The following DLGAP2 variants were observed in gnomAD, a reference collection of about 807,000 sequenced individuals.
The protein encoded by DLGAP2 is DLG associated protein 2, also known as disks large-associated protein 2.
In DLGAP2, 26 loss-of-function variants were observed where a neutral mutation model predicts 100.3. The observed-to-expected ratio is 0.26, with a 90% CI of 0.19 to 0.36. DLGAP2 has a LOEUF of 0.36. Ranked by LOEUF, DLGAP2 falls within the 10% of genes least tolerant of loss-of-function variation. The pLI is 1.00. For synonymous variants in DLGAP2, 886 were observed against 630.1 expected, an observed-to-expected ratio of 1.41 and a Z score of -6.08; for missense variants, 1,858 against 1,453.2, an observed-to-expected ratio of 1.28 and a Z score of -4.53.
At chr8:809,682 T>G (rs1796334272) in intron 1 of DLGAP2, among the ~76,000 whole-genome samples, 1 of 152,176 alleles carries the variant, frequency 6.6e-6, no homozygotes, top group South Asian at 2.1e-4. Context: ...GATGTGTTGT[T>G]TTCATGTGAG....
intron 3 of DLGAP2, among the ~76,000 whole-genome samples, chr8:1,381,701 A>T (rs1046842893): frequency 8.0e-5 from 12 of 150,186 alleles, no homozygotes; most frequent in Admixed American, 7.3e-4. Flanking sequence ...GGCCTATTTC[A>T]CTCAGCATCA....
intron 2 of DLGAP2, among the ~76,000 whole-genome samples, chr8:1,189,725 G>T (rs1390294113): frequency 8.8e-6 from 1 of 114,008 alleles, no homozygotes; most frequent in African/African-American, 2.6e-5. Context: ...AAGCGAGCTC[G>T]AGTTATCCAA....
intron 10 of DLGAP2, among the ~76,000 whole-genome samples, chr8:1,670,971 G>C (rs980408399): frequency 6.6e-6 from 1 of 152,220 alleles, no homozygotes; most frequent in South Asian, 2.1e-4. Context: ...GACAGGCTGG[G>C]ACAAGAGTGA....
intron 3 of DLGAP2, among the ~76,000 whole-genome samples, chr8:1,460,457 G>A (rs537923962): frequency 5.3e-5 from 8 of 152,246 alleles, no homozygotes; most frequent in African/African-American, 1.7e-4. Context: ...TTAACATGTC[G>A]CTTTACTGAT....
chr8:1,062,573 C>G (rs991691710), intron 2 of DLGAP2, among the ~76,000 whole-genome samples: 1 of 152,180 alleles, frequency 6.6e-6, no homozygotes, highest in African/African-American at 2.4e-5. Context: ...AGACAGTAGC[C>G]AGCTGGTAGC....
At chr8:1,539,635 G>A (rs190447430) in intron 4 of DLGAP2, among the ~76,000 whole-genome samples, 30 of 150,840 alleles carry the variant, frequency 2.0e-4, no homozygotes, top group African/African-American at 5.8e-4. Flanking sequence ...AAGGATGCCC[G>A]CCCTCACCAG....
chr8:919,862 C>G (rs1048810921), intron 2 of DLGAP2, among the ~76,000 whole-genome samples: 2 of 152,216 alleles, frequency 1.3e-5, no homozygotes, highest in African/African-American at 4.8e-5. Flanking sequence ...TTTCCCTTTA[C>G]TAAGAAATGC....
In DLGAP2 at chr8:1,347,191, G is replaced by A. The variant is rs561543392; in HGVS notation, c.106+88308G>A. On this transcript the variant is annotated intron_variant, in intron 3 of 14. Transcript: ENST00000637795. ...TACAGAGCTGCATTGCTCTCATGGC[G>A]GCTGTGTGGAGGTAGAGTTCCTACA... 6.6e-4 allele frequency among the ~76,000 whole-genome samples: 95 copies of A among 143,612 alleles called. 1 individual carries two copies. Among genetic ancestry groups the A allele is most frequent in the African/African-American group, 2.3e-3 (89 of 38,278 alleles). The allele number at this position is 143,612 out of a possible 152,430, so 94.2% of individuals were successfully genotyped here.
At position 1,392,980 on chromosome 8, in the gene DLGAP2, C is replaced by T. The variant is rs1423083604; in HGVS notation, c.107-108386C>T. Among the ~76,000 whole-genome samples, 4 of 89,038 alleles carry T rather than the reference C, an allele frequency of 4.5e-5. No individual in the cohort carries two copies. The South Asian group carries it at 1.5e-3, about 33-fold the overall frequency. The allele number at this position is 89,038 out of a possible 152,430, so 58.4% of individuals were successfully genotyped here. A position where few individuals can be genotyped will look rare whatever the true frequency, so the allele number is the denominator to read the frequency against. On this transcript the variant is annotated intron_variant, in intron 3 of 14. Coordinates refer to ENST00000637795, the MANE Select transcript of DLGAP2 (RefSeq NM_001346810.2). ...ATCAGTTTTGCTCTAAATGTGAATCCGAGGCCTCAGGAAGGCATTCGAGGT... is the reference window on the plus strand; with the variant it reads ...ATCAGTTTTGCTCTAAATGTGAATCTGAGGCCTCAGGAAGGCATTCGAGGT...
intron 3 of DLGAP2, among the ~76,000 whole-genome samples, chr8:1,359,241 C>T (rs754432143): frequency 5.3e-5 from 8 of 152,188 alleles, no homozygotes; most frequent in Non-Finnish European, 1.0e-4. Context: ...CCTCCCGGGA[C>T]GCATCCCCTT....
chr8:1,439,019 A>C (rs1393699169), intron 3 of DLGAP2, among the ~76,000 whole-genome samples: 1 of 152,208 alleles, frequency 6.6e-6, no homozygotes, highest in African/African-American at 2.4e-5. Context: ...ATGTTTTATG[A>C]AGCTTATGAA....
At chr8:967,784 T>C (rs1279330416) in intron 2 of DLGAP2, among the ~76,000 whole-genome samples, 9 of 97,308 alleles carry the variant, frequency 9.2e-5, no homozygotes, top group African/African-American at 3.3e-4. Flanking sequence ...TATATGTATA[T>C]ATATATATAT....
chr8:803,227 C>T (rs1463543515), intron 1 of DLGAP2, among the ~76,000 whole-genome samples: 1 of 152,196 alleles, frequency 6.6e-6, no homozygotes, highest in East Asian at 1.9e-4. Context: ...CCACAAACCT[C>T]TCCATGTTTC....
intron 2 of DLGAP2, among the ~76,000 whole-genome samples, chr8:1,188,051 C>G (rs999245670): frequency 7.7e-6 from 1 of 130,656 alleles, no homozygotes; most frequent in Non-Finnish European, 1.5e-5. Context: ...CTCACGGAAT[C>G]TCACACACCC....
chr8:785,280 G>A (rs949542524), intron 1 of DLGAP2, among the ~76,000 whole-genome samples: 31 of 146,032 alleles, frequency 2.1e-4, no homozygotes, highest in Non-Finnish European at 4.6e-4. Context: ...CAGATGCGCC[G>A]GATCCTGCCA....
rs139590326 is a variant in DLGAP2, at chr8:1,633,019, A to T, written c.1783A>T (p.Ile595Phe). 6.0e-4 allele frequency: 962 copies of T among 1,613,906 alleles called. 8 individuals carry two copies. In the African/African-American group the frequency reaches 0.012, roughly 20 times the overall value. Residue 595 changes from isoleucine (I) to phenylalanine (F), a missense_variant, in exon 8 of 15, where the codon ATC becomes TTC. By Grantham distance (21) the Ile-to-Phe change is conservative. Coordinates refer to ENST00000637795, the MANE Select transcript of DLGAP2 (RefSeq NM_001346810.2). ...ECIPMMTPSD[I>F]TSTIRSTAAV... ...TATTCCCATGATGACACCCTCTGAC[A>T]TCACCTCCACCATCAGGTCAACAGC... is the stretch of plus-strand genomic sequence containing the variant.
At chr8:1,511,759 C>G (rs1206451160) in intron 4 of DLGAP2, among the ~76,000 whole-genome samples, 1 of 151,962 alleles carries the variant, frequency 6.6e-6, no homozygotes, top group Non-Finnish European at 1.5e-5. Flanking sequence ...CTTCCATGGA[C>G]GTAAGGTCTG....
chr8:1,359,093 G>A (rs1801918866), intron 3 of DLGAP2, among the ~76,000 whole-genome samples: 1 of 152,206 alleles, frequency 6.6e-6, no homozygotes, highest in African/African-American at 2.4e-5. Flanking sequence ...AAATTCCCAG[G>A]GGTTGCTGAG....
intron 3 of DLGAP2, among the ~76,000 whole-genome samples, chr8:1,389,489 C>T (rs1055415953): frequency 8.5e-5 from 13 of 152,072 alleles, no homozygotes; most frequent in African/African-American, 2.2e-4. Context: ...TGAGGGACCC[C>T]GCTAAGGGCA....
Sources: allele counts gnomAD v4.1 joint callset (sites outside exome capture counted in the v4.1 genomes callset), GRCh38; gene constraint gnomAD v4.1.1; transcripts MANE v1.5; gene names NCBI Gene and HGNC (gene_info 2026-07-23, HGNC 2026-07-21).